Variants in HIVEP2 observed in about 807,000 individuals in gnomAD.
HIVEP2 encodes transcription factor HIVEP2.
In HIVEP2, 14 loss-of-function variants were observed where a neutral mutation model predicts 180.7. The observed-to-expected ratio is 0.08, with a 90% CI of 0.05 to 0.12. The LOEUF (loss-of-function observed/expected upper bound fraction) is 0.12, where lower values mean the gene tolerates loss of function less well. Among genes scored for constraint, HIVEP2 ranks in the 10% least tolerant of loss-of-function variants. The pLI is 1.00. For synonymous variants in HIVEP2, 1,184 were observed against 1,136.4 expected (o/e 1.04, Z -0.84); for missense variants, 2,579 against 3,008.5 (o/e 0.86, Z 3.34).
Position 142,772,927 on chromosome 6 carries a change from G to C in HIVEP2, c.1812C>G (p.Gly604=). 1 of 1,614,160 alleles carries C rather than the reference G, an allele frequency of 6.2e-7. No homozygotes were observed. Among genetic ancestry groups the C allele is most frequent in the Non-Finnish European group, 8.5e-7 (1 of 1,180,016 alleles). The change falls in exon 5 of 10, where the codon GGC becomes GGG. Residue 604 remains glycine, a synonymous_variant. Coordinates refer to ENST00000367603, the MANE Select transcript of HIVEP2 (RefSeq NM_006734.4). The surrounding 1 kb of genome is among the most constrained non-coding windows in gnomAD (Gnocchi z 4.9). Reference sequence around the variant, plus strand: ...TGCCATGGTGCTCGACTTCCACGTGGCCCTCCTGTACCGAAGGCAGCTCAA... The same window carrying C: ...TGCCATGGTGCTCGACTTCCACGTGCCCCTCCTGTACCGAAGGCAGCTCAA... ...AAFELPSVQE[G]HVEVEHHGRM...
intron 1 of HIVEP2, among the ~76,000 whole-genome samples, chr6:142,908,237 G>C (rs1777316172): frequency 6.6e-6 from 1 of 152,188 alleles, no homozygotes; most frequent in African/African-American, 2.4e-5. Flanking sequence ...CTCTTGGGCA[G>C]CCATATGTGG....
At chr6:142,944,365 C>A (rs960982521) in intron 1 of HIVEP2, among the ~76,000 whole-genome samples, 1 of 147,888 alleles carries the variant, frequency 6.8e-6, no homozygotes, top group Admixed American at 6.7e-5. Context: ...GAGTCCACCC[C>A]CCCCCCCCAC....
chr6:142,846,036 C>T (rs930341342), intron 1 of HIVEP2, among the ~76,000 whole-genome samples: 1 of 152,208 alleles, frequency 6.6e-6, no homozygotes, highest in African/African-American at 2.4e-5. Flanking sequence ...CCAGTGTGAG[C>T]GAAGTCCAGG....
At chr6:142,766,594 T>G (rs570179456) in intron 6 of HIVEP2, among the ~76,000 whole-genome samples, 122 of 152,314 alleles carry the variant, frequency 8.0e-4, no homozygotes, top group African/African-American at 2.8e-3. Context: ...GAAATGCATT[T>G]TATCATCAAG....
rs376079707 is a variant in HIVEP2, at chr6:142,764,758, A to C, written c.5518+41T>G. ...ATAGCACTCAGAAATCTAAGTAGCC[A>C]TAGAGAAGTATTTTTCCTCTCAAAA... is the stretch of plus-strand genomic sequence containing the variant. On this transcript the variant is annotated intron_variant, in intron 7 of 9. Coordinates refer to ENST00000367603, the MANE Select transcript of HIVEP2 (RefSeq NM_006734.4). 88 of 1,460,572 alleles carry C rather than the reference A, an allele frequency of 6.0e-5. No homozygotes were observed. The African/African-American group carries it at 8.9e-4, about 15-fold the overall frequency. 90.5% of individuals were successfully genotyped at this position (1,460,572 alleles called of 1,614,324 possible).
rs527930371 is a variant in HIVEP2, at chr6:142,851,747, A to G, written c.-640-14700T>C. ...AATATCCTGCCATGACTGGCACTCA[A>G]TTTTCAGTTCTAGTCATAATGATTC... On this transcript the variant is annotated intron_variant, in intron 1 of 9. Coordinates refer to ENST00000367603, the MANE Select transcript of HIVEP2 (RefSeq NM_006734.4). 2.0e-5 allele frequency among the ~76,000 whole-genome samples: 3 copies of G among 152,326 alleles called. No homozygotes were observed. The South Asian group carries it at 6.2e-4, about 32-fold the overall frequency.
intron 1 of HIVEP2, among the ~76,000 whole-genome samples, chr6:142,885,426 A>G (rs1382726144): frequency 6.6e-6 from 1 of 152,068 alleles, no homozygotes; most frequent in Non-Finnish European, 1.5e-5. Context: ...CCTGTCTTCA[A>G]GCATTCAGGG....
chr6:142,757,427 G>A (rs1332264269), intron 9 of HIVEP2, among the ~76,000 whole-genome samples: 5 of 152,152 alleles, frequency 3.3e-5, no homozygotes, highest in Admixed American at 1.3e-4. Context: ...TTGGGAGGCC[G>A]AGGCAGGCGG....
In HIVEP2 at chr6:142,943,629, A is replaced by G. The variant is rs992924433; in HGVS notation, c.-641+1470T>C. ...AGGTCCAGCTTTAGGGTTGGGGGCGAGTACCAATATTCATTTGGAGGTAAA... is the reference window on the plus strand; with the variant it reads ...AGGTCCAGCTTTAGGGTTGGGGGCGGGTACCAATATTCATTTGGAGGTAAA... On this transcript the variant is annotated intron_variant, in intron 1 of 9. Transcript: ENST00000367603. This position sits in a 1 kb window ranked among gnomAD's most constrained non-coding sequence, Gnocchi z 4.5. 1.3e-5 allele frequency among the ~76,000 whole-genome samples: 2 copies of G among 152,144 alleles called. No individual in the cohort carries two copies. Among genetic ancestry groups the G allele is most frequent in the Non-Finnish European group, 2.9e-5 (2 of 68,018 alleles).
intron 8 of HIVEP2, among the ~76,000 whole-genome samples, chr6:142,761,173 T>C (rs1301926278): frequency 1.3e-5 from 2 of 152,188 alleles, no homozygotes; most frequent in Non-Finnish European, 2.9e-5. Flanking sequence ...CCTCATAAAA[T>C]CTAATTTGCT....
intron 2 of HIVEP2, chr6:142,788,224 G>A (rs1216579223): frequency 6.6e-6 from 1 of 151,928 alleles, no homozygotes; most frequent in African/African-American, 2.4e-5. Context: ...GAGTTAATGG[G>A]TGCAGCACAC....
At chr6:142,818,704 AAAG>A (rs1334533044) in intron 2 of HIVEP2, among the ~76,000 whole-genome samples, 1 of 136,860 alleles carries the variant, frequency 7.3e-6, no homozygotes, top group Non-Finnish European at 1.5e-5. Flanking sequence ...AGAAAGAAAG[AAAG>A]AAAGAAAGAA....
intron 1 of HIVEP2, among the ~76,000 whole-genome samples, chr6:142,864,276 G>T (rs1324866270): frequency 6.6e-6 from 1 of 152,044 alleles, no homozygotes. Flanking sequence ...GTGTCACCTG[G>T]AGCCTGGAGG....
At position 142,753,250 on chromosome 6, in the gene HIVEP2, A is replaced by G; in HGVS notation, c.7198T>C (p.Ser2400Pro). The G allele has an allele frequency of 1.2e-6, 2 of 1,614,188 alleles. No individual in the cohort carries two copies. The highest frequency in any genetic ancestry group is 1.7e-6 in the Non-Finnish European group (2 of 1,180,034). ...HDGEKDNFGTSQTPLAHSTFY... is the reference protein window; with the variant it reads ...HDGEKDNFGTPQTPLAHSTFY... ...GTGGAGTGAGCTAATGGAGTCTGTGATGTACCAAAATTGTCCTTTTCACCA... is the reference window on the plus strand; with the variant it reads ...GTGGAGTGAGCTAATGGAGTCTGTGGTGTACCAAAATTGTCCTTTTCACCA... Residue 2400 changes from serine (S) to proline (P), a missense_variant, in exon 10 of 10, where the codon TCA becomes CCA. Ser to Pro is a moderately conservative substitution (Grantham distance 74). This residue lies in a region of HIVEP2 where 660 missense variants were observed against 731.7 expected (regional missense o/e 0.90). Coordinates refer to ENST00000367603, the MANE Select transcript of HIVEP2 (RefSeq NM_006734.4).
chr6:142,779,830 A>G (rs1775801617), intron 3 of HIVEP2, among the ~76,000 whole-genome samples: 1 of 152,226 alleles, frequency 6.6e-6, no homozygotes, highest in African/African-American at 2.4e-5. Flanking sequence ...CTAAGGGCAT[A>G]TCATATAGTA....
chr6:142,872,243 C>T (rs1776307292), intron 1 of HIVEP2, among the ~76,000 whole-genome samples: 2 of 152,164 alleles, frequency 1.3e-5, no homozygotes, highest in South Asian at 4.1e-4. Context: ...TAATTATTCA[C>T]TGAGAGCTTA....
intron 1 of HIVEP2, among the ~76,000 whole-genome samples, chr6:142,862,088 ACT>A (rs1402731227): frequency 2.6e-5 from 4 of 151,982 alleles, no homozygotes; most frequent in African/African-American, 9.7e-5. Context: ...GTTTGTTAAG[ACT>A]CTATTATCAA....
rs1778234157 is a variant in HIVEP2, at chr6:142,943,770, T to C, written c.-641+1329A>G. On this transcript the variant is annotated intron_variant, in intron 1 of 9. Coordinates refer to ENST00000367603, the MANE Select transcript of HIVEP2 (RefSeq NM_006734.4). The surrounding 1 kb of genome is among the most constrained non-coding windows in gnomAD (Gnocchi z 4.5). ...TATTCATTTTAGGCCTAAATAACTCTGCAGAGAATAAGGGTTTTGCAATGT... is the reference window on the plus strand; with the variant it reads ...TATTCATTTTAGGCCTAAATAACTCCGCAGAGAATAAGGGTTTTGCAATGT... Among the ~76,000 whole-genome samples, 1 of 152,206 alleles carries C rather than the reference T, an allele frequency of 6.6e-6. No homozygotes were observed. Among genetic ancestry groups the C allele is most frequent in the South Asian group, 2.1e-4 (1 of 4,834 alleles).
intron 1 of HIVEP2, among the ~76,000 whole-genome samples, chr6:142,856,288 T>C (rs1441344157): frequency 6.6e-6 from 1 of 152,076 alleles, no homozygotes; most frequent in African/African-American, 2.4e-5. Flanking sequence ...CCCAAGCCAT[T>C]CCCAGAGAAA....
Sources: gnomAD v4.1 joint callset for allele counts (sites outside exome capture counted in the v4.1 genomes callset) on GRCh38, gnomAD v4.1.1 for gene constraint, gnomAD v4.1.1 regional missense constraint, Gnocchi (gnomAD v3.1) non-coding constraint, MANE v1.5 for transcripts, NCBI Gene and HGNC (gene_info 2026-07-23, HGNC 2026-07-21) for gene names.